The following MAP2K6 variants were observed in gnomAD, a reference collection of about 807,000 sequenced individuals.
The protein encoded by MAP2K6 is mitogen-activated protein kinase kinase 6.
In MAP2K6, 16 loss-of-function variants were observed where a neutral mutation model predicts 53.7. The observed-to-expected ratio is 0.30, with a 90% CI of 0.20 to 0.45. The LOEUF (loss-of-function observed/expected upper bound fraction) is 0.45, where lower values mean the gene tolerates loss of function less well. MAP2K6 is among the 20% of genes least tolerant of loss of function. The probability of loss-of-function intolerance (pLI) is 1.00; values close to 1 mark genes in which losing one functional copy is unlikely to be tolerated. For synonymous variants in MAP2K6, 132 were observed against 143.1 expected, an observed-to-expected ratio of 0.92 and a Z score of 0.55; for missense variants, 204 against 411.9, an observed-to-expected ratio of 0.50 and a Z score of 4.37.
intron 11 of MAP2K6, 83 bp downstream of exon 11, chr17:69,536,243 C>T: frequency 1.0e-6 from 1 of 971,152 alleles, no homozygotes; most frequent in Non-Finnish European, 1.6e-6. Context: ...ATCATCACAT[C>T]ACCATATTGG....
chr17:69,449,589 C>T (rs1210591970), intron 1 of MAP2K6, among the ~76,000 whole-genome samples: 9 of 80,584 alleles, frequency 1.1e-4, no homozygotes, highest in African/African-American at 2.1e-4. Flanking sequence ...TTCTTTCTTT[C>T]TTTTTCTTTC....
chr17:69,431,603 C>T (rs895579782), intron 1 of MAP2K6, among the ~76,000 whole-genome samples: 9 of 152,160 alleles, frequency 5.9e-5, no homozygotes, highest in African/African-American at 2.2e-4. Context: ...AGTCCAGTTG[C>T]AGGAGGTATA....
At chr17:69,449,725 T>C (rs1162862580) in intron 1 of MAP2K6, among the ~76,000 whole-genome samples, 1 of 144,538 alleles carries the variant, frequency 6.9e-6, no homozygotes, top group Non-Finnish European at 1.5e-5. Flanking sequence ...GCCATTCTCC[T>C]GCCTCAGCCT....
chr17:69,444,887 A>C (rs1172828765), intron 1 of MAP2K6, among the ~76,000 whole-genome samples: 1 of 152,088 alleles, frequency 6.6e-6, no homozygotes, highest in Non-Finnish European at 1.5e-5. Context: ...TTTACTGGAG[A>C]CTTACTGGAA....
chr17:69,450,893 A>C (rs897401927), intron 1 of MAP2K6, among the ~76,000 whole-genome samples: 6 of 152,176 alleles, frequency 3.9e-5, no homozygotes, highest in African/African-American at 7.2e-5. Context: ...ATGCAGACAC[A>C]CAAAAAGGAG....
chr17:69,508,017 C>G (rs75345992), intron 2 of MAP2K6, among the ~76,000 whole-genome samples: 1 of 106,702 alleles, frequency 9.4e-6, no homozygotes, highest in Non-Finnish European at 1.9e-5. Context: ...TTTAGCTATT[C>G]TGATGTGTAG....
intron 1 of MAP2K6, among the ~76,000 whole-genome samples, chr17:69,462,652 C>G (rs895890066): frequency 8.5e-5 from 13 of 152,158 alleles, no homozygotes; most frequent in South Asian, 2.1e-4. Flanking sequence ...ATTTCTGGGC[C>G]TCTCCTGCAC....
At chr17:69,420,690 T>G (rs1906049642) in intron 1 of MAP2K6, among the ~76,000 whole-genome samples, 2 of 152,246 alleles carry the variant, frequency 1.3e-5, no homozygotes, top group South Asian at 4.1e-4. Flanking sequence ...GTCCGTAAGT[T>G]CTTTTCACTA....
At chr17:69,497,245 T>G (rs2145209654) in intron 1 of MAP2K6, among the ~76,000 whole-genome samples, 1 of 152,330 alleles carries the variant, frequency 6.6e-6, no homozygotes, top group Non-Finnish European at 1.5e-5. Context: ...GTTCACTTAA[T>G]CAGCATAGGA....
chr17:69,508,535 C>G (rs1909644440), intron 2 of MAP2K6, among the ~76,000 whole-genome samples: 1 of 152,128 alleles, frequency 6.6e-6, no homozygotes, highest in African/African-American at 2.4e-5. Flanking sequence ...TTTGTATATT[C>G]TGGACACGAG....
chr17:69,528,390 T>C (rs1910894978), intron 10 of MAP2K6, among the ~76,000 whole-genome samples: 1 of 152,186 alleles, frequency 6.6e-6, no homozygotes, highest in Admixed American at 6.5e-5. Flanking sequence ...TCTAGGCTGC[T>C]TCCTGTCTGT....
In MAP2K6 at chr17:69,537,269, A is replaced by G. The variant is rs182456003; in HGVS notation, c.927+1109A>G. ...GGGAGAAATATATAAAATTCAGACT[A>G]TTTGCTAATTTATGTTAATTCCTAG... On this transcript the variant is annotated intron_variant, in intron 11 of 11. Transcript: ENST00000590474. Among the ~76,000 whole-genome samples the G allele has an allele frequency of 6.6e-5, 10 of 152,284 alleles. No homozygotes were observed. In the East Asian group the frequency reaches 1.9e-3, roughly 29 times the overall value.
intron 1 of MAP2K6, chr17:69,434,923 C>CAA (rs1906589017): frequency 6.6e-6 from 1 of 152,078 alleles, no homozygotes; most frequent in African/African-American, 2.4e-5. Context: ...TTAAGAAAAT[C>CAA]CATTAAGCCC....
At chr17:69,415,559 G>A (rs1469592811) in intron 1 of MAP2K6, among the ~76,000 whole-genome samples, 1 of 152,154 alleles carries the variant, frequency 6.6e-6, no homozygotes, top group Non-Finnish European at 1.5e-5. Flanking sequence ...AAGGTGAAGG[G>A]TGAATAACAG....
chr17:69,467,935 T>G (rs1207798851), intron 1 of MAP2K6, among the ~76,000 whole-genome samples: 2 of 151,970 alleles, frequency 1.3e-5, no homozygotes, highest in Admixed American at 6.6e-5. Context: ...CCAGCTAATT[T>G]TTGTATTTTT....
intron 1 of MAP2K6, among the ~76,000 whole-genome samples, chr17:69,455,035 A>ATT (rs34777682): frequency 7.7e-6 from 1 of 130,194 alleles, no homozygotes; most frequent in African/African-American, 2.8e-5. Context: ...TACTATTATT[A>ATT]TTTTTTTTTT....
At chr17:69,495,914 G>C (rs1340577414) in intron 1 of MAP2K6, among the ~76,000 whole-genome samples, 1 of 151,990 alleles carries the variant, frequency 6.6e-6, no homozygotes, top group Non-Finnish European at 1.5e-5. Context: ...CCATAAATGA[G>C]GAAGGAGATG....
At chr17:69,473,915 C>T (rs1175479330) in intron 1 of MAP2K6, among the ~76,000 whole-genome samples, 2 of 152,186 alleles carry the variant, frequency 1.3e-5, no homozygotes, top group East Asian at 3.8e-4. Context: ...GTAAGCCAGA[C>T]TTTCTGAATG....
At chr17:69,427,832 A>G (rs1189185334) in intron 1 of MAP2K6, among the ~76,000 whole-genome samples, 1 of 152,234 alleles carries the variant, frequency 6.6e-6, no homozygotes, top group African/African-American at 2.4e-5. Context: ...TTGTAAGGAA[A>G]GTAGAGGAAA....
Sources: gnomAD v4.1 joint callset for allele counts (sites outside exome capture counted in the v4.1 genomes callset) on GRCh38, gnomAD v4.1.1 for gene constraint, MANE v1.5 for transcripts, NCBI Gene and HGNC (gene_info 2026-07-23, HGNC 2026-07-21) for gene names.